ATG10: variants seen among roughly 807,000 people sequenced by gnomAD.
ATG10 encodes the protein ubiquitin-like-conjugating enzyme ATG10.
A neutral mutation model predicts 32.1 loss-of-function variants in ATG10; 30 were observed. That is an observed-to-expected ratio of 0.94 (90% CI 0.70 to 1.27). ATG10 has a LOEUF of 1.27. ATG10 is among the 50% of genes most tolerant of loss of function. The pLI, the probability that ATG10 is intolerant of heterozygous loss-of-function variation, is 0.00. For missense variants in ATG10, 233 were observed against 262.3 expected (o/e 0.89, Z 0.77); for synonymous variants, 87 against 91.5 (o/e 0.95, Z 0.28).
chr5:82,252,345 C>T (rs1053491250), intron 5 of ATG10, among the ~76,000 whole-genome samples: 5 of 152,188 alleles, frequency 3.3e-5, no homozygotes, highest in East Asian at 1.9e-4. Context: ...CTGCTATACT[C>T]GACCATACTG....
intron 2 of ATG10, among the ~76,000 whole-genome samples, chr5:82,046,934 T>G (rs766845099): frequency 1.3e-5 from 2 of 151,690 alleles, no homozygotes; most frequent in Non-Finnish European, 2.9e-5. Context: ...GGAGTAACTT[T>G]AAATCCAGAA....
chr5:82,117,291 C>T (rs1301293024), intron 3 of ATG10, among the ~76,000 whole-genome samples: 1 of 152,026 alleles, frequency 6.6e-6, no homozygotes, highest in East Asian at 1.9e-4. Flanking sequence ...TGAGTATGGA[C>T]AGTTTTCACT....
intron 3 of ATG10, among the ~76,000 whole-genome samples, chr5:82,119,896 A>G (rs568591013): frequency 1.3e-5 from 2 of 152,322 alleles, no homozygotes; most frequent in South Asian, 4.1e-4. Flanking sequence ...GAAAGAACTA[A>G]AAAAGAGACA....
intron 3 of ATG10, among the ~76,000 whole-genome samples, chr5:82,127,861 A>G (rs369080185): frequency 6.6e-6 from 1 of 151,886 alleles, no homozygotes; most frequent in African/African-American, 2.4e-5. Flanking sequence ...TTGTTGATCT[A>G]TCTAATATTG....
rs890881306 is a variant in ATG10, at chr5:82,088,652, G to T, written c.216+30050G>T. Among the ~76,000 whole-genome samples the T allele has an allele frequency of 2.0e-5, 3 of 152,216 alleles. No homozygotes were observed. In the East Asian group the frequency reaches 5.8e-4, roughly 29 times the overall value. On this transcript the variant is annotated intron_variant, in intron 3 of 7. Transcript: ENST00000282185. ...TTTAAAGAAAAAATTGAAAGGCTTC[G>T]TGTGACTGATTGGATATAGAAAGTA...
intron 3 of ATG10, among the ~76,000 whole-genome samples, chr5:82,162,721 G>A (rs1743408851): frequency 6.6e-6 from 1 of 150,522 alleles, no homozygotes; most frequent in Admixed American, 6.7e-5. Context: ...TATAGAGAAG[G>A]CATTAAAAGG....
chr5:82,207,477 G>T (rs1745342518), intron 5 of ATG10, among the ~76,000 whole-genome samples: 1 of 151,992 alleles, frequency 6.6e-6, no homozygotes, highest in African/African-American at 2.4e-5. Flanking sequence ...CTATTTGGTT[G>T]CCTGTCTTTT....
At chr5:82,175,124 T>G (rs1446757751) in intron 4 of ATG10, among the ~76,000 whole-genome samples, 3 of 152,200 alleles carry the variant, frequency 2.0e-5, no homozygotes, top group African/African-American at 7.2e-5. Flanking sequence ...AAGAGTCTAC[T>G]TTTCAAACAA....
chr5:82,044,053 A>G (rs757916414), intron 2 of ATG10, among the ~76,000 whole-genome samples: 1 of 151,974 alleles, frequency 6.6e-6, no homozygotes, highest in African/African-American at 2.4e-5. Context: ...CTGTTCTCAC[A>G]CTGCTATAAA....
At chr5:82,117,678 CAATCAGGATTCCAGTGTCTTCA>C (rs1262403915) in intron 3 of ATG10, among the ~76,000 whole-genome samples, 2 of 152,114 alleles carry the variant, frequency 1.3e-5, no homozygotes, top group Non-Finnish European at 2.9e-5. Context: ...AATCCTATTT[CAATCAGGATTCCAGTGTCTTCA>C]AGCCAATTTT....
At chr5:82,056,418 A>G (rs1449170299) in intron 2 of ATG10, among the ~76,000 whole-genome samples, 1 of 142,962 alleles carries the variant, frequency 7.0e-6, no homozygotes, top group Non-Finnish European at 1.5e-5. Flanking sequence ...TAATTACATG[A>G]TGGCTGCCAG....
chr5:82,156,515 C>G (rs914622603), intron 3 of ATG10, among the ~76,000 whole-genome samples: 1 of 152,120 alleles, frequency 6.6e-6, no homozygotes, highest in Non-Finnish European at 1.5e-5. Context: ...TGTGCCCTGG[C>G]TCAGTTTCTT....
intron 5 of ATG10, among the ~76,000 whole-genome samples, chr5:82,211,567 C>T (rs1356657075): frequency 6.6e-6 from 1 of 152,190 alleles, no homozygotes; most frequent in Non-Finnish European, 1.5e-5. Flanking sequence ...CTATTGTCGT[C>T]AACTGAACTT....
intron 3 of ATG10, among the ~76,000 whole-genome samples, chr5:82,108,346 G>A (rs1366563257): frequency 6.6e-6 from 1 of 151,644 alleles, no homozygotes. Flanking sequence ...ATACATATTT[G>A]TGTATCTACA....
intron 2 of ATG10, among the ~76,000 whole-genome samples, chr5:82,055,830 G>T (rs371937371): frequency 2.0e-5 from 3 of 152,248 alleles, no homozygotes; most frequent in East Asian, 1.9e-4. Context: ...TATTTTTGCT[G>T]TACATTTTCT....
intron 2 of ATG10, among the ~76,000 whole-genome samples, chr5:82,042,931 C>G (rs1168505662): frequency 6.6e-6 from 1 of 152,158 alleles, no homozygotes; most frequent in African/African-American, 2.4e-5. Flanking sequence ...ATGGTGCAAG[C>G]TCTTGGTGGA....
rs1362859204 is a variant in ATG10, at chr5:82,254,899, AGTGTGTGTGTGTGTGTGTGTGTAT to A, written c.*842_*865del. The A allele has an allele frequency of 6.7e-6, 1 of 149,644 alleles. No individual in the cohort carries two copies. Among genetic ancestry groups the A allele is most frequent in the Non-Finnish European group, 1.5e-5 (1 of 67,462 alleles). The allele number at this position is 149,644 out of a possible 1,614,324, so 9.3% of individuals were successfully genotyped here. ...AAAAGAGAGAGAGAGAGTGAGTGTGAGTGTGTGTGTGTGTGTGTGTGTATGTGTGGGTGTTTGTGTAGATAGTTG... is the reference window on the plus strand; with the variant it reads ...AAAAGAGAGAGAGAGAGTGAGTGTGAGTGTGGGTGTTTGTGTAGATAGTTG... On this transcript the variant is annotated 3_prime_UTR_variant, in exon 8 of 8. Coordinates refer to ENST00000282185, the MANE Select transcript of ATG10 (RefSeq NM_031482.5).
intron 3 of ATG10, among the ~76,000 whole-genome samples, chr5:82,097,303 T>C (rs1765103812): frequency 6.6e-6 from 1 of 152,154 alleles, no homozygotes; most frequent in Non-Finnish European, 1.5e-5. Context: ...CTGATAAAGA[T>C]CAAAGGTCAC....
At chr5:81,980,719 A>G (rs553398598) in intron 1 of ATG10, among the ~76,000 whole-genome samples, 58 of 151,646 alleles carry the variant, frequency 3.8e-4, no homozygotes, top group Non-Finnish European at 4.7e-4. Context: ...CTGTTCCTGC[A>G]GCTACCTGTC....
Sources: gnomAD v4.1 joint callset for allele counts (sites outside exome capture counted in the v4.1 genomes callset) on GRCh38, gnomAD v4.1.1 for gene constraint, MANE v1.5 for transcripts, NCBI Gene and HGNC (gene_info 2026-07-23, HGNC 2026-07-21) for gene names.